Variants in STS observed in about 807,000 individuals in gnomAD.
The protein encoded by STS is steryl-sulfatase.
In STS, 7 loss-of-function variants were observed where a neutral mutation model predicts 26.8. The ratio of observed to expected loss-of-function variants is 0.26; its 90% CI spans 0.15 to 0.49. The LOEUF (loss-of-function observed/expected upper bound fraction) is 0.49, where lower values mean the gene tolerates loss of function less well. Among genes scored for constraint, STS ranks in the 20% least tolerant of loss-of-function variants. The probability of loss-of-function intolerance (pLI) is 0.98; values close to 1 mark genes in which losing one functional copy is unlikely to be tolerated. For missense variants in STS, 434 were observed against 465.6 expected (o/e 0.93, Z 0.63); for synonymous variants, 199 against 189.4 (o/e 1.05, Z -0.42).
At chrX:7,172,748 C>T (rs1601628338) in intron 1 of STS, among the ~76,000 whole-genome samples, 2 of 111,309 alleles carry the variant, frequency 1.8e-5, no homozygotes, top group African/African-American at 3.3e-5. Context: ...TGGGAATATG[C>T]AATAAACCAC....
intron 7 of STS, among the ~76,000 whole-genome samples, chrX:7,283,836 A>G (rs1193940032): frequency 2.7e-5 from 3 of 111,161 alleles, no homozygotes; most frequent in Non-Finnish European, 5.7e-5. Flanking sequence ...GATTGCAGCA[A>G]AGGTGTTGGA....
chrX:7,305,964 G>A (rs980100754), intron 8 of STS, among the ~76,000 whole-genome samples: 1 of 111,630 alleles, frequency 9.0e-6, no homozygotes, highest in Non-Finnish European at 1.9e-5. Context: ...TTGGGAGACC[G>A]TTATTCTGCC....
chrX:7,288,638 ACGTG>A (rs1925257567), intron 7 of STS, among the ~76,000 whole-genome samples: 1 of 64,185 alleles, frequency 1.6e-5, no homozygotes, highest in Non-Finnish European at 3.0e-5. Flanking sequence ...GAAATTCTGT[ACGTG>A]TGTGTGTGTG....
intron 2 of STS, among the ~76,000 whole-genome samples, chrX:7,236,711 C>A (rs934812886): frequency 1.8e-5 from 2 of 111,584 alleles, no homozygotes; most frequent in Non-Finnish European, 3.8e-5. Context: ...TTGACTAGTC[C>A]TTTTTTCCTG....
chrX:7,248,912 C>T (rs1440447782), intron 2 of STS, among the ~76,000 whole-genome samples: 1 of 110,818 alleles, frequency 9.0e-6, no homozygotes, highest in Admixed American at 9.7e-5. Context: ...TAATCTACCA[C>T]CCATTTTTAA....
At chrX:7,235,830 A>T (rs1922289536) in intron 2 of STS, among the ~76,000 whole-genome samples, 1 of 111,942 alleles carries the variant, frequency 8.9e-6, no homozygotes, top group Admixed American at 9.5e-5. Context: ...TAGCAGAGAT[A>T]TCCAATGTTG....
chrX:7,315,141 TA>T (rs1229284824), intron 8 of STS, among the ~76,000 whole-genome samples: 1 of 112,256 alleles, frequency 8.9e-6, no homozygotes, highest in Non-Finnish European at 1.9e-5. Context: ...TTATTTCATT[TA>T]TTTCACAAAA....
In STS at chrX:7,350,238, C is replaced by A; in HGVS notation, c.1714C>A (p.Gln572Lys). 1 of 1,210,269 alleles carries A rather than the reference C, an allele frequency of 8.3e-7. No individual in the cohort carries two copies. Among genetic ancestry groups the A allele is most frequent in the South Asian group, 1.8e-5 (1 of 56,750 alleles). The change falls in exon 11 of 11, where the codon CAG (glutamine) becomes AAG (lysine). Residue 572 changes from glutamine (Q) to lysine (K), a missense_variant. Physicochemically the swap from Gln to Lys is moderately conservative, Grantham distance 53. Transcript: ENST00000674429. ...GTCTTGCCAGTGTGATAGAGAAAAA[C>A]AGGATAAGAGACTGAGCCGCTAGCA... is the stretch of plus-strand genomic sequence containing the variant. ...GLSCQCDREK[Q>K]DKRLSR
chrX:7,346,941 C>T (rs1163735243), intron 10 of STS, among the ~76,000 whole-genome samples: 1 of 110,815 alleles, frequency 9.0e-6, no homozygotes, highest in Non-Finnish European at 1.9e-5. Context: ...TGGTGGCATA[C>T]ACCTGTGGTC....
At chrX:7,220,312 A>G (rs757968731) in intron 2 of STS, among the ~76,000 whole-genome samples, 2 of 110,749 alleles carry the variant, frequency 1.8e-5, no homozygotes, top group Admixed American at 9.6e-5. Context: ...CCTCCACCCA[A>G]TTCCCTCATG....
intron 1 of STS, among the ~76,000 whole-genome samples, chrX:7,166,312 T>C (rs747587169): frequency 9.0e-6 from 1 of 111,422 alleles, no homozygotes; most frequent in Non-Finnish European, 1.9e-5. Flanking sequence ...CTGGCTGCAT[T>C]ATCTTATATT....
intron 9 of STS, among the ~76,000 whole-genome samples, chrX:7,327,014 C>T (rs190313570): frequency 1.8e-5 from 2 of 112,011 alleles, no homozygotes; most frequent in African/African-American, 3.2e-5. Context: ...CTTCCATGAT[C>T]GAGGACCCCA....
intron 1 of STS, among the ~76,000 whole-genome samples, chrX:7,181,142 T>C (rs1933672718): frequency 8.9e-6 from 1 of 112,640 alleles, no homozygotes; most frequent in African/African-American, 3.2e-5. Flanking sequence ...TTTAAAGTTC[T>C]ACACACATTT....
At chrX:7,171,969 A>G (rs1217559303) in intron 1 of STS, among the ~76,000 whole-genome samples, 1 of 112,242 alleles carries the variant, frequency 8.9e-6, no homozygotes, top group African/African-American at 3.2e-5. Context: ...GTACAATTCA[A>G]TGGTTTTTAT....
chrX:7,169,141 C>T (rs765873431), intron 1 of STS, among the ~76,000 whole-genome samples: 4 of 110,906 alleles, frequency 3.6e-5, no homozygotes, highest in Non-Finnish European at 7.6e-5. Context: ...CCACATTCCT[C>T]CCATACCCCC....
intron 2 of STS, among the ~76,000 whole-genome samples, chrX:7,218,363 C>T (rs947128057): frequency 1.8e-5 from 2 of 112,426 alleles, no homozygotes; most frequent in East Asian, 2.8e-4. Context: ...CATTCTTCAT[C>T]GTATGCCCTT....
In STS at chrX:7,287,360, A is replaced by G. The variant is rs761498498; in HGVS notation, c.943+11273A>G. Among the ~76,000 whole-genome samples the G allele has an allele frequency of 1.1e-3, 118 of 111,962 alleles. 1 individual carries two copies. The highest frequency in any genetic ancestry group is 3.7e-3 in the African/African-American group (114 of 30,879). On this transcript the variant is annotated intron_variant, in intron 7 of 10. Transcript: ENST00000674429. The stretch of plus-strand genomic sequence containing the variant: ...CAGTATGCAAAACCGAAGAATATAG[A>G]CACAAACAGTACAGAAAGGGAATGA...
At chrX:7,256,373 G>A (rs550495631) in intron 3 of STS, among the ~76,000 whole-genome samples, 7 of 111,876 alleles carry the variant, frequency 6.3e-5, no homozygotes, top group African/African-American at 2.3e-4. Context: ...TGTGGGGGTC[G>A]CAGCATCTAA....
At chrX:7,329,949 C>A (rs1221614678) in intron 9 of STS, among the ~76,000 whole-genome samples, 1 of 111,835 alleles carries the variant, frequency 8.9e-6, no homozygotes, top group African/African-American at 3.2e-5. Context: ...CTTAACACTG[C>A]AGTGAGAATA....
Sources: allele counts gnomAD v4.1 joint callset (sites outside exome capture counted in the v4.1 genomes callset), GRCh38; gene constraint gnomAD v4.1.1; transcripts MANE v1.5; gene names NCBI Gene and HGNC (gene_info 2026-07-23, HGNC 2026-07-21).